Variants in STPG4 observed in about 807,000 individuals in gnomAD.
STPG4 encodes the protein sperm-tail PG-rich repeat containing 4.
STPG4 carries 41 observed loss-of-function variants against 31.5 expected under a neutral mutation model. The observed-to-expected ratio is 1.30, with a 90% CI of 1.01 to 1.69. STPG4 has a LOEUF of 1.69. STPG4 is among the 40% of genes most tolerant of loss of function. STPG4 has a pLI of 0.00. For synonymous variants in STPG4, 141 were observed against 103.0 expected (o/e 1.37, Z -2.24); for missense variants, 375 against 293.4 (o/e 1.28, Z -2.03).
chr2:47,088,341 G>T (rs1047835280), intron 6 of STPG4, among the ~76,000 whole-genome samples: 3 of 152,132 alleles, frequency 2.0e-5, no homozygotes, highest in Non-Finnish European at 4.4e-5. Flanking sequence ...TTCTTAGGTC[G>T]GTGTCTTCCC....
chr2:47,150,927 C>T lies in STPG4; in HGVS notation c.399+331G>A, dbSNP rs150791828. Among the ~76,000 whole-genome samples the T allele has an allele frequency of 6.6e-3, 1,008 of 152,162 alleles. 17 individuals carry two copies. In the East Asian group the frequency reaches 0.073, roughly 11 times the overall value. ...TTTCTCTTTAAAAGAAGAGGGTTCA[C>T]CACATATACTGCTTGAAGAGATAAG... On this transcript the variant is annotated intron_variant, in intron 3 of 6. Transcript: ENST00000445927.
chr2:47,107,312 T>A (rs188324657), intron 5 of STPG4, among the ~76,000 whole-genome samples: 1 of 151,926 alleles, frequency 6.6e-6, no homozygotes, highest in African/African-American at 2.4e-5. Context: ...GGGCTGCGCG[T>A]GGTGCTTGCG....
chr2:47,122,801 TTTTG>T (rs144787784), intron 5 of STPG4, among the ~76,000 whole-genome samples: 1 of 151,724 alleles, frequency 6.6e-6, no homozygotes, highest in African/African-American at 2.4e-5. Context: ...TATTTCTGTT[TTTTG>T]TTTGTTTGTC....
intron 5 of STPG4, among the ~76,000 whole-genome samples, chr2:47,102,023 C>T (rs1450715457): frequency 6.6e-6 from 1 of 151,860 alleles, no homozygotes; most frequent in Admixed American, 6.6e-5. Context: ...TGCAGGTTTT[C>T]GAGAATGCGT....
chr2:47,122,774 A>T (rs1033912908), intron 5 of STPG4, among the ~76,000 whole-genome samples: 3 of 151,966 alleles, frequency 2.0e-5, no homozygotes, highest in Admixed American at 2.0e-4. Flanking sequence ...AAACTATCCC[A>T]AAACAATTTT....
At chr2:47,136,621 TC>T (rs1363652572) in intron 3 of STPG4, among the ~76,000 whole-genome samples, 8 of 152,210 alleles carry the variant, frequency 5.3e-5, no homozygotes, top group African/African-American at 1.2e-4. Context: ...ATGCAAATAA[TC>T]CTTCTATCAT....
intron 5 of STPG4, among the ~76,000 whole-genome samples, chr2:47,094,584 A>G (rs1018287044): frequency 2.6e-5 from 4 of 152,180 alleles, no homozygotes; most frequent in Admixed American, 2.6e-4. Context: ...GGATATAGGC[A>G]GAACCAAACA....
rs1305930534 is a variant in STPG4, at chr2:47,155,295, T to G, written c.-44A>C. On this transcript the variant is annotated 5_prime_UTR_variant, in exon 1 of 7. Coordinates refer to ENST00000445927, the MANE Select transcript of STPG4 (RefSeq NM_001163561.2). ...TAGGCTGAACCTGAGCTCCGGTTGC[T>G]AGGAGGCGGGTGTGGCCCGTGGGCT... The G allele has an allele frequency of 6.2e-7, 1 of 1,603,884 alleles. No homozygotes were observed. The highest frequency in any genetic ancestry group is 8.5e-7 in the Non-Finnish European group (1 of 1,171,422).
At chr2:47,110,237 G>T (rs1362849182) in intron 5 of STPG4, among the ~76,000 whole-genome samples, 1 of 152,234 alleles carries the variant, frequency 6.6e-6, no homozygotes, top group East Asian at 1.9e-4. Flanking sequence ...ATAACAAAGT[G>T]TTTTCATCTT....
intron 1 of STPG4, 107 bp from the exon 2 acceptor site, chr2:47,153,123 G>T (rs750396825): frequency 1.5e-5 from 10 of 661,806 alleles, no homozygotes; most frequent in Non-Finnish European, 2.5e-5. Context: ...ATACCCAACT[G>T]ATATGTCTTC....
In STPG4 at chr2:47,116,095, T is replaced by C. The variant is rs80135926; in HGVS notation, c.519+13846A>G. On this transcript the variant is annotated intron_variant, in intron 5 of 6. Transcript: ENST00000445927. ...TATAGTGTTCTTTCCTCTGGGCTCATTGAGTTTTTCCAGAGGATAAACTCC... is the reference window on the plus strand; with the variant it reads ...TATAGTGTTCTTTCCTCTGGGCTCACTGAGTTTTTCCAGAGGATAAACTCC... Among the ~76,000 whole-genome samples, 305 of 152,340 alleles carry C rather than the reference T, an allele frequency of 2.0e-3. 1 individual carries two copies. The highest frequency in any genetic ancestry group is 6.8e-3 in the African/African-American group (281 of 41,578).
chr2:47,116,455 G>C (rs1369739675), intron 5 of STPG4, among the ~76,000 whole-genome samples: 1 of 152,158 alleles, frequency 6.6e-6, no homozygotes, highest in Non-Finnish European at 1.5e-5. Flanking sequence ...TTAAACATCT[G>C]TGAAAATTCC....
chr2:47,138,231 A>T (rs1686636267), intron 3 of STPG4, among the ~76,000 whole-genome samples: 1 of 152,170 alleles, frequency 6.6e-6, no homozygotes, highest in African/African-American at 2.4e-5. Flanking sequence ...TTTTCTAACA[A>T]CACAGATCCA....
chr2:47,142,144 T>TTAAC (rs1329139933), intron 3 of STPG4, among the ~76,000 whole-genome samples: 4 of 151,656 alleles, frequency 2.6e-5, no homozygotes, highest in Admixed American at 1.3e-4. Context: ...GATCAGTGAG[T>TTAAC]TAACTGCCAG....
chr2:47,155,235 A>T lies in STPG4; in HGVS notation c.17T>A (p.Val6Asp). ...CCTTATTGAGGTGGAAGCGGTGGCG[A>T]CGGCTGGCTGGTCCATGGTGGCCTC... Reference protein sequence around the residue: MDQPAVATASTSIRED... With the variant: MDQPADATASTSIRED... The change falls in exon 1 of 7, where the codon GTC (valine) becomes GAC (aspartate). Residue 6 changes from valine to aspartate, a missense_variant. Transcript: ENST00000445927. 1 of 1,614,120 alleles carries T rather than the reference A, an allele frequency of 6.2e-7. No homozygotes were observed. Among genetic ancestry groups the T allele is most frequent in the Non-Finnish European group, 8.5e-7 (1 of 1,180,018 alleles).
intron 3 of STPG4, among the ~76,000 whole-genome samples, chr2:47,133,763 G>A (rs1482796823): frequency 6.6e-6 from 1 of 151,756 alleles, no homozygotes; most frequent in Non-Finnish European, 1.5e-5. Context: ...TTTTAGTAGA[G>A]ACAGGGCTTC....
intron 5 of STPG4, among the ~76,000 whole-genome samples, chr2:47,092,457 G>A (rs1685587071): frequency 1.3e-5 from 2 of 150,350 alleles, no homozygotes; most frequent in South Asian, 4.2e-4. Context: ...GAGCCACAGA[G>A]GTCAAGGCTG....
chr2:47,096,383 T>C (rs1203290075), intron 5 of STPG4, among the ~76,000 whole-genome samples: 3 of 152,150 alleles, frequency 2.0e-5, no homozygotes, highest in African/African-American at 7.2e-5. Flanking sequence ...TAGGCCAAAA[T>C]GGGCAGGGCC....
chr2:47,138,188 G>C (rs1340257848), intron 3 of STPG4, among the ~76,000 whole-genome samples: 2 of 151,960 alleles, frequency 1.3e-5, no homozygotes, highest in African/African-American at 4.8e-5. Flanking sequence ...CTTCCACTTA[G>C]TTCAAAGTAT....
Sources: gnomAD v4.1 joint callset for allele counts (sites outside exome capture counted in the v4.1 genomes callset) on GRCh38, gnomAD v4.1.1 for gene constraint, MANE v1.5 for transcripts, NCBI Gene and HGNC (gene_info 2026-07-23, HGNC 2026-07-21) for gene names.